Variants in PTPRD observed in about 807,000 individuals in gnomAD.
The protein encoded by PTPRD is receptor-type tyrosine-protein phosphatase delta.
A neutral mutation model predicts 214.5 loss-of-function variants in PTPRD; 34 were observed. That is an observed-to-expected ratio of 0.16 (90% CI 0.12 to 0.21). The LOEUF (loss-of-function observed/expected upper bound fraction) is 0.21, where lower values mean the gene tolerates loss of function less well. Among genes scored for constraint, PTPRD ranks in the 10% least tolerant of loss-of-function variants. PTPRD has a pLI of 1.00. For missense variants in PTPRD, 2,545 were observed against 2,398.7 expected (o/e 1.06, Z -1.27); for synonymous variants, 1,128 against 845.7 (o/e 1.33, Z -5.79).
In PTPRD at chr9:8,794,795, T is replaced by C. The variant is rs150115686; in HGVS notation, c.-103-60849A>G. On this transcript the variant is annotated intron_variant, in intron 11 of 45. Transcript: ENST00000381196. ...AAACCGAGGAGTAAGTTATTTTAGA[T>C]AATTGCAGCAACAATGCAATGACTC... Among the ~76,000 whole-genome samples, 14 of 151,866 alleles carry C rather than the reference T, an allele frequency of 9.2e-5. No individual in the cohort carries two copies. In the East Asian group the frequency reaches 2.7e-3, roughly 29 times the overall value.
chr9:9,046,009 C>T (rs923646781), intron 10 of PTPRD, among the ~76,000 whole-genome samples: 6 of 152,042 alleles, frequency 3.9e-5, no homozygotes, highest in Admixed American at 3.3e-4. Flanking sequence ...TTGTTATGTG[C>T]TAGAGAAAGG....
At chr9:9,036,520 A>C (rs2099622367) in intron 10 of PTPRD, among the ~76,000 whole-genome samples, 1 of 152,176 alleles carries the variant, frequency 6.6e-6, no homozygotes, top group Admixed American at 6.5e-5. Context: ...TGAATAGAAT[A>C]TGGACTTTAG....
intron 12 of PTPRD, among the ~76,000 whole-genome samples, chr9:8,686,599 A>G (rs2097686201): frequency 6.6e-6 from 1 of 152,202 alleles, no homozygotes; most frequent in Admixed American, 6.5e-5. Flanking sequence ...AACAAGCCAA[A>G]AATGTGTCCA....
intron 11 of PTPRD, among the ~76,000 whole-genome samples, chr9:8,897,688 A>G (rs1424956447): frequency 6.6e-6 from 1 of 152,204 alleles, no homozygotes; most frequent in African/African-American, 2.4e-5. Flanking sequence ...AGACCTGGCC[A>G]GAAGTAAAGA....
intron 10 of PTPRD, among the ~76,000 whole-genome samples, chr9:9,157,978 T>G (rs1477823393): frequency 6.6e-6 from 1 of 152,172 alleles, no homozygotes; most frequent in Non-Finnish European, 1.5e-5. Context: ...GTGTTCGGTT[T>G]TCTGTTCCTG....
intron 6 of PTPRD, among the ~76,000 whole-genome samples, chr9:9,760,443 A>G (rs2098642240): frequency 6.6e-6 from 1 of 152,030 alleles, no homozygotes; most frequent in Admixed American, 6.6e-5. Context: ...GCCCTCCAAG[A>G]CCTGCTCCAA....
chr9:9,781,161 C>T (rs2098839967), intron 5 of PTPRD, among the ~76,000 whole-genome samples: 2 of 151,924 alleles, frequency 1.3e-5, no homozygotes, highest in South Asian at 4.2e-4. Flanking sequence ...CAACAGTGAG[C>T]CCAGATGTAA....
intron 35 of PTPRD, among the ~76,000 whole-genome samples, chr9:8,435,815 T>G (rs952308360): frequency 6.6e-6 from 1 of 152,144 alleles, no homozygotes; most frequent in Admixed American, 6.6e-5. Flanking sequence ...AATTTTAAGA[T>G]AGCATTCAGC....
intron 8 of PTPRD, among the ~76,000 whole-genome samples, chr9:9,474,941 C>G (rs1158152255): frequency 6.6e-6 from 1 of 152,034 alleles, no homozygotes; most frequent in Non-Finnish European, 1.5e-5. Flanking sequence ...TCTGGCCTAA[C>G]TTCTCTAGCT....
chr9:10,008,548 C>A (rs2096535081), intron 4 of PTPRD, among the ~76,000 whole-genome samples: 1 of 151,494 alleles, frequency 6.6e-6, no homozygotes, highest in African/African-American at 2.4e-5. Context: ...TATGTGTGCC[C>A]CATTTCATGC....
chr9:9,312,705 C>A (rs182488912), intron 9 of PTPRD, among the ~76,000 whole-genome samples: 1 of 152,060 alleles, frequency 6.6e-6, no homozygotes, highest in African/African-American at 2.4e-5. Context: ...CTCTGGCCAA[C>A]CTCTACCTAA....
intron 2 of PTPRD, among the ~76,000 whole-genome samples, chr9:10,517,934 T>C (rs2050692752): frequency 1.3e-5 from 2 of 152,120 alleles, no homozygotes; most frequent in South Asian, 4.1e-4. Flanking sequence ...GGTTCTAAGG[T>C]AGAGAGTTTT....
At chr9:8,325,313 C>T (rs144408958) in intron 44 of PTPRD, among the ~76,000 whole-genome samples, 67,068 of 144,578 alleles carry the variant, frequency 0.46, 19,499 homozygotes, top group African/African-American at 0.82. Context: ...TGCATATGGC[C>T]AGCCAGTTTT....
intron 9 of PTPRD, among the ~76,000 whole-genome samples, chr9:9,312,980 C>T (rs1959913199): frequency 6.6e-6 from 1 of 152,164 alleles, no homozygotes; most frequent in Non-Finnish European, 1.5e-5. Context: ...CATGGATTGA[C>T]ACAAAATTAG....
intron 2 of PTPRD, among the ~76,000 whole-genome samples, chr9:10,542,870 T>C (rs183169996): frequency 1.3e-5 from 2 of 152,046 alleles, no homozygotes; most frequent in Admixed American, 1.3e-4. Context: ...AGACATGCAC[T>C]ACCACGCCAG....
At chr9:10,253,876 T>C (rs1037813045) in intron 3 of PTPRD, among the ~76,000 whole-genome samples, 1 of 152,228 alleles carries the variant, frequency 6.6e-6, no homozygotes, top group Non-Finnish European at 1.5e-5. Context: ...CCATGATAAC[T>C]CTGTGAAGTA....
At chr9:8,750,732 G>C (rs538880111) in intron 11 of PTPRD, among the ~76,000 whole-genome samples, 2 of 152,282 alleles carry the variant, frequency 1.3e-5, no homozygotes, top group South Asian at 4.1e-4. Context: ...GAGATTCCCA[G>C]CAGAGAATGA....
At position 9,485,742 on chromosome 9, in the gene PTPRD, C is replaced by T. The variant is rs141841911; in HGVS notation, c.-236-88260G>A. ...TTATTTCTCCAAATTTACACTGAAC[C>T]TATCTGATCCCTAACTGTCCCTCTC... is the stretch of plus-strand genomic sequence containing the variant. On this transcript the variant is annotated intron_variant, in intron 8 of 45. Coordinates refer to ENST00000381196, the MANE Select transcript of PTPRD (RefSeq NM_002839.4). Among the ~76,000 whole-genome samples, 242 of 152,226 alleles carry T rather than the reference C, an allele frequency of 1.6e-3. 1 individual carries two copies. Among genetic ancestry groups the T allele is most frequent in the African/African-American group, 5.6e-3 (232 of 41,540 alleles).
In PTPRD at chr9:10,067,510, T is replaced by A. The variant is rs76299743; in HGVS notation, c.-544-33720A>T. Reference sequence around the variant, plus strand: ...GAAGGATAAAAAGCAGTGAGATATCTAACAATTCTAATACTAGCATCTAAA... The same window carrying A: ...GAAGGATAAAAAGCAGTGAGATATCAAACAATTCTAATACTAGCATCTAAA... On this transcript the variant is annotated intron_variant, in intron 3 of 45. Coordinates refer to ENST00000381196, the MANE Select transcript of PTPRD (RefSeq NM_002839.4). Among the ~76,000 whole-genome samples, 221 of 152,010 alleles carry A rather than the reference T, an allele frequency of 1.5e-3. 6 individuals are homozygous for A. In the East Asian group the frequency reaches 0.04, roughly 27 times the overall value.
Sources: gnomAD v4.1 joint callset for allele counts (sites outside exome capture counted in the v4.1 genomes callset) on GRCh38, gnomAD v4.1.1 for gene constraint, MANE v1.5 for transcripts, NCBI Gene and HGNC (gene_info 2026-07-23, HGNC 2026-07-21) for gene names.